Variants in KIF13A observed in about 807,000 individuals in gnomAD.
KIF13A encodes the protein kinesin-like protein KIF13A.
A neutral mutation model predicts 212.2 loss-of-function variants in KIF13A; 79 were observed. The observed-to-expected ratio is 0.37, with a 90% CI of 0.31 to 0.45. The LOEUF is 0.45. Among genes scored for constraint, KIF13A ranks in the 20% least tolerant of loss-of-function variants. KIF13A has a pLI of 1.00. For synonymous variants in KIF13A, 789 were observed against 808.6 expected (o/e 0.98, Z 0.41); for missense variants, 1,901 against 2,209.0 (o/e 0.86, Z 2.79).
rs57351701 is a variant in KIF13A, at chr6:17,787,655, C to CAACAAA, written c.3361+120_3361+121insTTTGTT. On this transcript the variant is annotated intron_variant, in intron 27 of 38. Coordinates refer to ENST00000259711, the MANE Select transcript of KIF13A (RefSeq NM_022113.6). This position sits in a 1 kb window ranked among gnomAD's most constrained non-coding sequence, Gnocchi z 4.6. ...GACAGAGTGAGACCCTGTCTTAAAA[C>CAACAAA]AACAACAACAACAACAACAAAAATA... is the stretch of plus-strand genomic sequence containing the variant. 0.25 allele frequency: 149,353 copies of CAACAAA among 599,260 alleles called. 17,944 individuals carry two copies. Among genetic ancestry groups the CAACAAA allele is most frequent in the South Asian group, 0.36 (18,439 of 51,014 alleles). The allele number at this position is 599,260 out of a possible 1,614,324, so 37.1% of individuals were successfully genotyped here. A position where few individuals can be genotyped will look rare whatever the true frequency, so the allele number is the denominator to read the frequency against.
intron 2 of KIF13A, among the ~76,000 whole-genome samples, chr6:17,940,162 CTT>C (rs1310083055): frequency 6.7e-6 from 1 of 150,000 alleles, no homozygotes; most frequent in African/African-American, 2.5e-5. Flanking sequence ...TCCTTCTTTC[CTT>C]TCCTCCTCCT....
rs1781417698 is a variant in KIF13A, at chr6:17,984,981, G to C, written c.146+2073C>G. Among the ~76,000 whole-genome samples the C allele has an allele frequency of 6.6e-6, 1 of 152,214 alleles. No homozygotes were observed. Among genetic ancestry groups the C allele is most frequent in the Non-Finnish European group, 1.5e-5 (1 of 68,038 alleles). On this transcript the variant is annotated intron_variant, in intron 2 of 38. Coordinates refer to ENST00000259711, the MANE Select transcript of KIF13A (RefSeq NM_022113.6). This position sits in a 1 kb window ranked among gnomAD's most constrained non-coding sequence, Gnocchi z 5.0. ...AATGCACTGTTACTTTAAGGGAAAA[G>C]TCTGTGGAGAAATATGAAACCAAGC...
chr6:17,956,508 G>A (rs1344327259), intron 2 of KIF13A, among the ~76,000 whole-genome samples: 1 of 152,210 alleles, frequency 6.6e-6, no homozygotes, highest in Non-Finnish European at 1.5e-5. Flanking sequence ...TTACTATCTA[G>A]GTAGGGAGGC....
rs775417719 is a variant in KIF13A, at chr6:17,951,434, AT to A, written c.146+35619del. On this transcript the variant is annotated intron_variant, in intron 2 of 38. Transcript: ENST00000259711. The surrounding 1 kb of genome is among the most constrained non-coding windows in gnomAD (Gnocchi z 4.9). ...ATGTGAGCCACTGTGACCAGCCTCAATTTAAAAAAAAAAAAAAAACAGCTTT... is the reference window on the plus strand; with the variant it reads ...ATGTGAGCCACTGTGACCAGCCTCAATTAAAAAAAAAAAAAAAACAGCTTT... 3.0e-5 allele frequency: 16 copies of A among 539,824 alleles called. No individual in the cohort carries two copies. The highest frequency in any genetic ancestry group is 7.3e-5 in the South Asian group (3 of 41,034). The allele number at this position is 539,824 out of a possible 1,614,324, so 33.4% of individuals were successfully genotyped here.
rs201591355 is a variant in KIF13A at position 17,797,765 on chromosome 6, G to A, written c.2791-945C>T. On this transcript the variant is annotated intron_variant, in intron 22 of 38. Transcript: ENST00000259711. ...AAGTAAAAACTAGCCGGGTGTGGTG[G>A]TGCACACCTGTAGTCCCAGCTACTC... Among the ~76,000 whole-genome samples the A allele has an allele frequency of 5.9e-5, 9 of 152,260 alleles. No individual in the cohort carries two copies. The East Asian group carries it at 1.7e-3, about 29-fold the overall frequency.
At chr6:17,845,613 G>A (rs1287257484) in intron 9 of KIF13A, among the ~76,000 whole-genome samples, 1 of 152,232 alleles carries the variant, frequency 6.6e-6, no homozygotes, top group African/African-American at 2.4e-5. Flanking sequence ...ATTAGAGAGT[G>A]CTCTATGATC....
chr6:17,923,782 T>C (rs1775278385), intron 2 of KIF13A, among the ~76,000 whole-genome samples: 1 of 152,240 alleles, frequency 6.6e-6, no homozygotes, highest in Non-Finnish European at 1.5e-5. Context: ...CAATCACCTT[T>C]TCACCAGTGT....
In KIF13A at chr6:17,839,968, C is replaced by T. The variant is rs1161396049; in HGVS notation, c.831-2385G>A. On this transcript the variant is annotated intron_variant, in intron 9 of 38. Coordinates refer to ENST00000259711, the MANE Select transcript of KIF13A (RefSeq NM_022113.6). This position sits in a 1 kb window ranked among gnomAD's most constrained non-coding sequence, Gnocchi z 4.3. ...CTACTCAGTTTGTGGTAATCTGTTA[C>T]AGTAGCAATAGCAATCGAACACAGC... 6.6e-6 allele frequency among the ~76,000 whole-genome samples: 1 copy of T among 152,164 alleles called. No individual in the cohort carries two copies. Among genetic ancestry groups the T allele is most frequent in the Non-Finnish European group, 1.5e-5 (1 of 68,032 alleles).
rs774209178 is a variant in KIF13A, at chr6:17,771,146, C to T, written c.4549G>A (p.Val1517Ile). ...PSGSNGSSMP[V>I]EHNSKREKKI... ...TTCTCACGTTTGCTATTGTGTTCTA[C>T]TGGCATGCTGCTGCCATTGCTTCCT... The change falls in exon 38 of 39, where the codon GTA becomes ATA. Residue 1517 changes from valine (V) to isoleucine (I), a missense_variant. Coordinates refer to ENST00000259711, the MANE Select transcript of KIF13A (RefSeq NM_022113.6). This position sits in a 1 kb window ranked among gnomAD's most constrained non-coding sequence, Gnocchi z 5.4. 1.5e-5 allele frequency: 25 copies of T among 1,613,082 alleles called. No individual in the cohort carries two copies. In the East Asian group the frequency reaches 4.2e-4, roughly 27 times the overall value.
chr6:17,960,070 A>G (rs778734737), intron 2 of KIF13A, among the ~76,000 whole-genome samples: 15 of 152,188 alleles, frequency 9.9e-5, no homozygotes, highest in African/African-American at 1.2e-4. Flanking sequence ...GTTCTCACCA[A>G]TTAACATGTC....
In KIF13A at chr6:17,808,985, T is replaced by A. The variant is rs565880959; in HGVS notation, c.2001-55A>T. 1.0e-5 allele frequency: 15 copies of A among 1,450,664 alleles called. No homozygotes were observed. In the South Asian group the frequency reaches 1.8e-4, roughly 17 times the overall value. 89.9% of individuals were successfully genotyped at this position (1,450,664 alleles called of 1,614,324 possible). Reference sequence around the variant, plus strand: ...AATCTAAAGGAAAACTGCAATCCCGTTTCTAAGTGAGCATCTTATTAGAAA... The same window carrying A: ...AATCTAAAGGAAAACTGCAATCCCGATTCTAAGTGAGCATCTTATTAGAAA... On this transcript the variant is annotated intron_variant, in intron 17 of 38. Transcript: ENST00000259711.
chr6:17,851,895 T>C (rs1767688415), intron 7 of KIF13A, 60 bp downstream of exon 7: 1 of 833,316 alleles, frequency 1.2e-6, no homozygotes. Flanking sequence ...ATACTCAGTA[T>C]CACTTACATA....
In KIF13A at chr6:17,872,756, C is replaced by T. The variant is rs1442769821; in HGVS notation, c.220+621G>A. ...GCTCAAGGCATTCTCCCGCCTCAGCCTCCCAAGTAGCTGGGATTACAGGCG... is the reference window on the plus strand; with the variant it reads ...GCTCAAGGCATTCTCCCGCCTCAGCTTCCCAAGTAGCTGGGATTACAGGCG... On this transcript the variant is annotated intron_variant, in intron 4 of 38. Coordinates refer to ENST00000259711, the MANE Select transcript of KIF13A (RefSeq NM_022113.6). This position sits in a 1 kb window ranked among gnomAD's most constrained non-coding sequence, Gnocchi z 4.7. 6.6e-6 allele frequency among the ~76,000 whole-genome samples: 1 copy of T among 152,164 alleles called. No homozygotes were observed. Among genetic ancestry groups the T allele is most frequent in the African/African-American group, 2.4e-5 (1 of 41,430 alleles).
At chr6:17,893,950 C>T (rs1772320126) in intron 3 of KIF13A, among the ~76,000 whole-genome samples, 1 of 149,130 alleles carries the variant, frequency 6.7e-6, no homozygotes, top group South Asian at 2.1e-4. Context: ...AGTGATTCTC[C>T]TGTCTCAGCC....
chr6:17,780,039 C>T (rs1186996708), intron 31 of KIF13A, among the ~76,000 whole-genome samples: 1 of 152,162 alleles, frequency 6.6e-6, no homozygotes, highest in Non-Finnish European at 1.5e-5. Flanking sequence ...AGCCACCGCG[C>T]CCAGCCAGTT....
chr6:17,974,268 T>C (rs1052556924), intron 2 of KIF13A, among the ~76,000 whole-genome samples: 13 of 152,064 alleles, frequency 8.5e-5, no homozygotes, highest in African/African-American at 1.4e-4. Context: ...TTAGTAGAGA[T>C]GGGGTGTCAC....
At chr6:17,866,555 G>A (rs1223026191) in intron 4 of KIF13A, among the ~76,000 whole-genome samples, 1 of 151,978 alleles carries the variant, frequency 6.6e-6, no homozygotes, top group East Asian at 1.9e-4. Flanking sequence ...CTGTAAAATG[G>A]GGGCAGTAAT....
Position 17,828,167 on chromosome 6 carries a change from C to A in KIF13A, c.1532+73G>T, listed in dbSNP as rs942397323. On this transcript the variant is annotated intron_variant, in intron 14 of 38. Coordinates refer to ENST00000259711, the MANE Select transcript of KIF13A (RefSeq NM_022113.6). The surrounding 1 kb of genome is among the most constrained non-coding windows in gnomAD (Gnocchi z 4.3). The stretch of plus-strand genomic sequence containing the variant: ...TAACTTTAATATAGCTGAAAGCAAA[C>A]AGAAAGAGGCAGCCTTCTCCTTCTG... The A allele has an allele frequency of 1.6e-5, 23 of 1,481,550 alleles. No individual in the cohort carries two copies. The African/African-American group carries it at 2.9e-4, about 19-fold the overall frequency. 91.8% of individuals were successfully genotyped at this position (1,481,550 alleles called of 1,614,324 possible).
chr6:17,836,224 T>C (rs554891428), intron 11 of KIF13A, among the ~76,000 whole-genome samples: 1 of 152,374 alleles, frequency 6.6e-6, no homozygotes, highest in Non-Finnish European at 1.5e-5. Context: ...TTATTCCTAA[T>C]GTTTAATTAT....
Sources: allele counts gnomAD v4.1 joint callset (sites outside exome capture counted in the v4.1 genomes callset), GRCh38; gene constraint gnomAD v4.1.1; non-coding constraint Gnocchi (gnomAD v3.1); transcripts MANE v1.5; gene names NCBI Gene and HGNC (gene_info 2026-07-23, HGNC 2026-07-21).